Variants in FGF2 observed in about 807,000 individuals in gnomAD.
FGF2 encodes fibroblast growth factor 2, also known as basic fibroblast growth factor bFGF.
FGF2 carries 13 observed loss-of-function variants against 15.9 expected under a neutral mutation model. The ratio of observed to expected loss-of-function variants is 0.82; its 90% CI spans 0.53 to 1.30. The LOEUF (loss-of-function observed/expected upper bound fraction) is 1.30. FGF2 is among the 50% of genes most tolerant of loss of function. FGF2 has a pLI of 0.00. For synonymous variants in FGF2, 90 were observed against 78.4 expected (o/e 1.15, Z -0.78); for missense variants, 163 against 196.9 (o/e 0.83, Z 1.03).
At chr4:122,857,710 T>C (rs1334410517) in intron 1 of FGF2, among the ~76,000 whole-genome samples, 1 of 152,224 alleles carries the variant, frequency 6.6e-6, no homozygotes, top group Non-Finnish European at 1.5e-5. Flanking sequence ...TTTGTATGGA[T>C]TGAAATTGTT....
intron 1 of FGF2, among the ~76,000 whole-genome samples, chr4:122,829,814 A>G (rs1183394841): frequency 6.6e-6 from 1 of 152,150 alleles, no homozygotes; most frequent in African/African-American, 2.4e-5. Context: ...AATTTCATCT[A>G]TTTCTATGTA....
chr4:122,847,218 T>C (rs1726130499), intron 1 of FGF2, among the ~76,000 whole-genome samples: 1 of 152,232 alleles, frequency 6.6e-6, no homozygotes, highest in South Asian at 2.1e-4. Flanking sequence ...CTCCATGATG[T>C]ATTTACTTTT....
Position 122,893,050 on chromosome 4 carries a change from G to A in FGF2, c.*654G>A, listed in dbSNP as rs766682539. 3.7e-6 allele frequency: 6 copies of A among 1,613,964 alleles called. No homozygotes were observed. The African/African-American group carries it at 5.3e-5, about 14-fold the overall frequency. ...TGAGATCCATCCACTCACATCTTAA[G>A]CATTCTTCCTGGCAAAAATTTATGG... is the stretch of plus-strand genomic sequence containing the variant. On this transcript the variant is annotated 3_prime_UTR_variant, in exon 3 of 3. Coordinates refer to ENST00000644866, the MANE Select transcript of FGF2 (RefSeq NM_001361665.2).
chr4:122,841,671 T>A lies in FGF2; in HGVS notation c.178+14319T>A, dbSNP rs1003387835. Among the ~76,000 whole-genome samples, 12 of 152,236 alleles carry A rather than the reference T, an allele frequency of 7.9e-5. No individual in the cohort carries two copies. The South Asian group carries it at 8.3e-4, about 11-fold the overall frequency. On this transcript the variant is annotated intron_variant, in intron 1 of 2. Transcript: ENST00000644866. ...TAGACAGCTGATCCTATTTTCCAAT[T>A]ACTAGTAAAACGTCATGCTTCAGAT...
intron 1 of FGF2, among the ~76,000 whole-genome samples, chr4:122,832,143 C>G (rs1056647172): frequency 4.6e-5 from 7 of 152,134 alleles, no homozygotes; most frequent in African/African-American, 1.4e-4. Flanking sequence ...TTCCAGATAC[C>G]CTACTTGGGC....
rs1418865016 is a variant in FGF2, at chr4:122,868,369, T to C, written c.179-7952T>C. Among the ~76,000 whole-genome samples the C allele has an allele frequency of 3.3e-5, 5 of 152,076 alleles. No homozygotes were observed. The East Asian group carries it at 5.8e-4, about 18-fold the overall frequency. On this transcript the variant is annotated intron_variant, in intron 1 of 2. Transcript: ENST00000644866. ...CCCACTTACGAGAGAGAACATGCGG[T>C]ATTTGGTTTTCTTTTCCTGTGTTAG...
chr4:122,863,591 C>T (rs185413831), intron 1 of FGF2, among the ~76,000 whole-genome samples: 1 of 152,320 alleles, frequency 6.6e-6, no homozygotes, highest in Non-Finnish European at 1.5e-5. Flanking sequence ...GCTCAAAACT[C>T]ACCCCTCCTA....
rs556674478 is a variant in FGF2, at chr4:122,867,183, G to A, written c.179-9138G>A. 5.3e-5 allele frequency among the ~76,000 whole-genome samples: 8 copies of A among 152,324 alleles called. No individual in the cohort carries two copies. The South Asian group carries it at 1.5e-3, about 28-fold the overall frequency. ...TAAAATGACTGCTAAAGAATGTAGG[G>A]TGACGAAAATGTTCTATAATTGATT... On this transcript the variant is annotated intron_variant, in intron 1 of 2. Coordinates refer to ENST00000644866, the MANE Select transcript of FGF2 (RefSeq NM_001361665.2).
intron 1 of FGF2, among the ~76,000 whole-genome samples, chr4:122,838,784 CT>C (rs1319131616): frequency 6.6e-6 from 1 of 152,278 alleles, no homozygotes; most frequent in East Asian, 1.9e-4. Context: ...GACAATTCTT[CT>C]TTAGTATTTA....
intron 1 of FGF2, among the ~76,000 whole-genome samples, chr4:122,859,161 A>G (rs1362808354): frequency 6.6e-6 from 1 of 152,214 alleles, no homozygotes; most frequent in Non-Finnish European, 1.5e-5. Flanking sequence ...AATGAGAAAT[A>G]ATATTAACAC....
intron 1 of FGF2, among the ~76,000 whole-genome samples, chr4:122,836,185 T>A (rs1475321730): frequency 6.6e-6 from 1 of 152,202 alleles, no homozygotes; most frequent in Admixed American, 6.5e-5. Context: ...AAGCACTGGA[T>A]CCCATTTGCT....
intron 1 of FGF2, among the ~76,000 whole-genome samples, chr4:122,870,332 G>T (rs1726704154): frequency 2.6e-5 from 4 of 152,196 alleles, no homozygotes; most frequent in Admixed American, 2.6e-4. Context: ...TCAGGATGAT[G>T]CTGGCCTCAT....
chr4:122,889,307 A>G (rs1381853062), intron 2 of FGF2, among the ~76,000 whole-genome samples: 1 of 152,224 alleles, frequency 6.6e-6, no homozygotes. Flanking sequence ...AAGTTGTTAT[A>G]AGCCCTTAGA....
chr4:122,858,740 T>C (rs1726392942), intron 1 of FGF2, among the ~76,000 whole-genome samples: 1 of 152,120 alleles, frequency 6.6e-6, no homozygotes, highest in Non-Finnish European at 1.5e-5. Flanking sequence ...GTCAGTTATC[T>C]ATGCATTAAA....
intron 1 of FGF2, among the ~76,000 whole-genome samples, chr4:122,846,923 C>A (rs1726123923): frequency 6.6e-6 from 1 of 152,114 alleles, no homozygotes. Flanking sequence ...CCGTCAGTCA[C>A]ACGATGGATG....
intron 1 of FGF2, among the ~76,000 whole-genome samples, chr4:122,848,861 A>G (rs1726169110): frequency 6.6e-6 from 1 of 152,204 alleles, no homozygotes. Context: ...ACTGAAGTAA[A>G]GGAAGGTGGA....
intron 2 of FGF2, among the ~76,000 whole-genome samples, chr4:122,883,791 A>G (rs1463147762): frequency 6.6e-6 from 1 of 152,202 alleles, no homozygotes; most frequent in Non-Finnish European, 1.5e-5. Flanking sequence ...ATCATGATAT[A>G]CCCTGAACAA....
At chr4:122,876,450 G>GT (rs759828222) in intron 2 of FGF2, 26 bp downstream of exon 2, 13 of 1,419,136 alleles carry the variant, frequency 9.2e-6, no homozygotes, top group African/African-American at 8.5e-5. Flanking sequence ...GTTTTCACAC[G>GT]TTTTTTGTTA....
intron 1 of FGF2, among the ~76,000 whole-genome samples, chr4:122,872,109 A>C (rs1325631958): frequency 6.6e-6 from 1 of 152,218 alleles, no homozygotes; most frequent in Non-Finnish European, 1.5e-5. Flanking sequence ...ACCAATGCAA[A>C]GACGCTAAGA....
Sources: allele counts gnomAD v4.1 joint callset (sites outside exome capture counted in the v4.1 genomes callset), GRCh38; gene constraint gnomAD v4.1.1; transcripts MANE v1.5; gene names NCBI Gene and HGNC (gene_info 2026-07-23, HGNC 2026-07-21).